The following WWTR1 variants were observed in gnomAD, a reference collection of about 807,000 sequenced individuals.
The protein encoded by WWTR1 is WW domain containing transcription regulator 1, also known as WW domain-containing transcription regulator protein 1.
A neutral mutation model predicts 40.1 loss-of-function variants in WWTR1; 13 were observed. The ratio of observed to expected loss-of-function variants is 0.32; its 90% CI spans 0.21 to 0.52. The LOEUF is 0.52. WWTR1 is among the 20% of genes least tolerant of loss of function. WWTR1 has a pLI of 0.97. For missense variants in WWTR1, 436 were observed against 523.1 expected (o/e 0.83, Z 1.63); for synonymous variants, 230 against 210.1 (o/e 1.09, Z -0.82).
chr3:149,622,502 G>GAAGAAAGAAAAGAAAGAAAGAAAGA (rs1740344264), intron 2 of WWTR1, among the ~76,000 whole-genome samples: 3 of 46,298 alleles, frequency 6.5e-5, no homozygotes, highest in Admixed American at 3.0e-4. Flanking sequence ...AGGAAGGAAG[G>GAAGAAAGAAAAGAAAGAAAGAAAGA]AAGAAAGAAA....
intron 2 of WWTR1, among the ~76,000 whole-genome samples, chr3:149,656,465 C>G (rs1425451724): frequency 6.6e-6 from 1 of 152,070 alleles, no homozygotes; most frequent in African/African-American, 2.4e-5. Context: ...TCCCTCTGTT[C>G]CCCAAGCTTC....
chr3:149,642,374 C>G (rs977065414), intron 2 of WWTR1, among the ~76,000 whole-genome samples: 2 of 151,684 alleles, frequency 1.3e-5, no homozygotes, highest in Admixed American at 6.6e-5. Flanking sequence ...GAACTGAGAT[C>G]GCATCAATGC....
At chr3:149,720,598 T>C (rs147142329) in intron 4 of WWTR1, among the ~76,000 whole-genome samples, 1,613 of 152,202 alleles carry the variant, frequency 0.011, 17 homozygotes, top group Non-Finnish European at 0.013. Flanking sequence ...TTTGACTATT[T>C]AGAGTTCCTT....
intron 3 of WWTR1, among the ~76,000 whole-genome samples, chr3:149,569,955 G>A (rs1200247241): frequency 6.6e-6 from 1 of 152,036 alleles, no homozygotes; most frequent in African/African-American, 2.4e-5. Context: ...GGGACTACAG[G>A]GATGCACCTC....
At chr3:149,715,669 T>C (rs1715591115) in intron 5 of WWTR1, among the ~76,000 whole-genome samples, 1 of 152,154 alleles carries the variant, frequency 6.6e-6, no homozygotes, top group African/African-American at 2.4e-5. Context: ...CAAAGAGATT[T>C]CCGGCCAGAA....
At position 149,518,454 on chromosome 3, in the gene WWTR1, T is replaced by A. The variant is rs1734892828; in HGVS notation, c.*2351A>T. ...TTAGGTCCCTTGTTTTTTTAATTTT[T>A]TATTTATTTATTTATTTTTAGCAAG... On this transcript the variant is annotated 3_prime_UTR_variant, in exon 7 of 7. Transcript: ENST00000360632. 6.6e-6 allele frequency: 1 copy of A among 152,086 alleles called. No individual in the cohort carries two copies. The highest frequency in any genetic ancestry group is 1.5e-5 in the Non-Finnish European group (1 of 68,012). The allele number at this position is 152,086 out of a possible 1,614,324, so 9.4% of individuals were successfully genotyped here. A position where few individuals can be genotyped will look rare whatever the true frequency, so the allele number is the denominator to read the frequency against.
At chr3:149,708,880 A>G (rs1032577536) in intron 5 of WWTR1, among the ~76,000 whole-genome samples, 3 of 152,186 alleles carry the variant, frequency 2.0e-5, no homozygotes, top group African/African-American at 7.2e-5. Context: ...TTTGTTGAAG[A>G]ATCTCCATAC....
chr3:149,596,810 G>A (rs1739021896), intron 2 of WWTR1, among the ~76,000 whole-genome samples: 1 of 152,202 alleles, frequency 6.6e-6, no homozygotes, highest in African/African-American at 2.4e-5. Context: ...ATACAGTGGA[G>A]ATATTGCACA....
chr3:149,624,050 T>C (rs1277343035), intron 2 of WWTR1, among the ~76,000 whole-genome samples: 1 of 152,146 alleles, frequency 6.6e-6, no homozygotes, highest in Non-Finnish European at 1.5e-5. Context: ...TCCGGCCACA[T>C]CCCTCCCCAC....
At chr3:149,668,149 T>TTAGGTATCC (rs1401959533) in intron 2 of WWTR1, among the ~76,000 whole-genome samples, 1 of 152,226 alleles carries the variant, frequency 6.6e-6, no homozygotes, top group Admixed American at 6.5e-5. Flanking sequence ...CTCTAGATTT[T>TTAGGTATCC]TAGGTATCCA....
intron 2 of WWTR1, among the ~76,000 whole-genome samples, chr3:149,596,348 A>G (rs1477503156): frequency 1.3e-5 from 2 of 152,164 alleles, no homozygotes; most frequent in East Asian, 3.9e-4. Flanking sequence ...TTTCTTCTGA[A>G]TCATTCTCCA....
At chr3:149,708,008 GC>G (rs1344337643), upstream of WWTR1, among the ~76,000 whole-genome samples, 1 of 151,732 alleles carries the variant, frequency 6.6e-6, no homozygotes, top group Non-Finnish European at 1.5e-5. Flanking sequence ...CCTAACCAGT[GC>G]CCTCTCTCGT....
At chr3:149,650,976 T>C (rs1712832195) in intron 2 of WWTR1, among the ~76,000 whole-genome samples, 1 of 152,214 alleles carries the variant, frequency 6.6e-6, no homozygotes, top group Non-Finnish European at 1.5e-5. Context: ...GTAAATAGGC[T>C]ATGTGTGTTG....
chr3:149,539,282 C>T (rs1735976892), intron 4 of WWTR1, among the ~76,000 whole-genome samples: 1 of 152,208 alleles, frequency 6.6e-6, no homozygotes, highest in South Asian at 2.1e-4. Flanking sequence ...TTCGTCGTAT[C>T]ATTCAAGAAT....
Position 149,520,802 on chromosome 3 carries a change from T to C in WWTR1, c.*3A>G. ...GGCTACATCCAAGTTACAATGGTAG[T>C]GATTACAGCCAGGTTAGAAAGGGCT... On this transcript the variant is annotated 3_prime_UTR_variant, in exon 7 of 7. Coordinates refer to ENST00000360632, the MANE Select transcript of WWTR1 (RefSeq NM_015472.6). 2 of 1,570,246 alleles carry C rather than the reference T, an allele frequency of 1.3e-6. No homozygotes were observed. The highest frequency in any genetic ancestry group is 1.7e-6 in the Non-Finnish European group (2 of 1,162,202).
At chr3:149,526,212 G>T in intron 5 of WWTR1, 87 bp from the exon 6 acceptor site, 1 of 942,150 alleles carries the variant, frequency 1.1e-6, no homozygotes, top group African/African-American at 1.7e-5. Flanking sequence ...CTCTAAACTA[G>T]TGCAGTTGTG....
chr3:149,550,122 T>A (rs958561897), intron 3 of WWTR1, among the ~76,000 whole-genome samples: 1 of 152,188 alleles, frequency 6.6e-6, no homozygotes, highest in Non-Finnish European at 1.5e-5. Flanking sequence ...ACGTGCCCAG[T>A]GAATACCAGG....
At chr3:149,663,825 A>C (rs534003545) in intron 2 of WWTR1, among the ~76,000 whole-genome samples, 1 of 152,294 alleles carries the variant, frequency 6.6e-6, no homozygotes, top group East Asian at 1.9e-4. Flanking sequence ...TTTGTTAGAT[A>C]ATTTCTCACC....
intron 2 of WWTR1, among the ~76,000 whole-genome samples, chr3:149,604,607 C>T (rs922332847): frequency 1.3e-5 from 2 of 152,228 alleles, no homozygotes; most frequent in African/African-American, 4.8e-5. Context: ...TCCCTAGTCC[C>T]CTAGCCCAGC....
Sources: gnomAD v4.1 joint callset for allele counts (sites outside exome capture counted in the v4.1 genomes callset) on GRCh38, gnomAD v4.1.1 for gene constraint, MANE v1.5 for transcripts, NCBI Gene and HGNC (gene_info 2026-07-23, HGNC 2026-07-21) for gene names.